Variants in ACTR5 observed in about 807,000 individuals in gnomAD.
The protein encoded by ACTR5 is actin-related protein 5.
ACTR5 carries 43 observed loss-of-function variants against 61.2 expected under a neutral mutation model. The observed-to-expected ratio is 0.70, with a 90% CI of 0.55 to 0.91. The LOEUF (loss-of-function observed/expected upper bound fraction) is 0.91. Among genes scored for constraint, ACTR5 ranks in the 40% least tolerant of loss-of-function variants. ACTR5 has a pLI of 0.00. For synonymous variants in ACTR5, 333 were observed against 310.5 expected, an observed-to-expected ratio of 1.07 and a Z score of -0.76; for missense variants, 798 against 782.2, an observed-to-expected ratio of 1.02 and a Z score of -0.24.
At chr20:38,754,266 G>A (rs1000383968) in intron 3 of ACTR5, among the ~76,000 whole-genome samples, 2 of 152,054 alleles carry the variant, frequency 1.3e-5, no homozygotes, top group African/African-American at 2.4e-5. Flanking sequence ...GTTGTTTCTC[G>A]CTGAAGAACT....
intron 5 of ACTR5, among the ~76,000 whole-genome samples, chr20:38,761,142 G>A (rs1245405907): frequency 1.3e-5 from 2 of 152,024 alleles, no homozygotes; most frequent in Admixed American, 6.6e-5. Flanking sequence ...GGCTGTTCTC[G>A]AACTCCTGGC....
chr20:38,766,162 G>T (rs918707965), intron 6 of ACTR5, 76 bp from the exon 7 acceptor site: 10 of 1,514,572 alleles, frequency 6.6e-6, no homozygotes, highest in African/African-American at 1.4e-5. Flanking sequence ...ATTAAGAAAC[G>T]CAGTTTGAGG....
chr20:38,760,549 G>C (rs917322998), intron 5 of ACTR5, among the ~76,000 whole-genome samples: 1 of 152,234 alleles, frequency 6.6e-6, no homozygotes, highest in Non-Finnish European at 1.5e-5. Context: ...AAGAGTAGCA[G>C]TGTTGATAAT....
chr20:38,771,920 T>A lies in ACTR5; in HGVS notation c.*104T>A. 1 of 1,443,696 alleles carries A rather than the reference T, an allele frequency of 6.9e-7. No homozygotes were observed. The highest frequency in any genetic ancestry group is 9.2e-7 in the Non-Finnish European group (1 of 1,090,582). The allele number at this position is 1,443,696 out of a possible 1,614,324, so 89.4% of individuals were successfully genotyped here. A position where few individuals can be genotyped will look rare whatever the true frequency, so the allele number is the denominator to read the frequency against. The stretch of plus-strand genomic sequence containing the variant: ...AGATGTACCTGCCCAAGTCTGCTGG[T>A]CACATTTGGCAGCAAAATGGATTTC... On this transcript the variant is annotated 3_prime_UTR_variant, in exon 9 of 9. Transcript: ENST00000243903.
In ACTR5 at chr20:38,764,335, T is replaced by TA. The variant is rs541592546; in HGVS notation, c.1177-1066dup. On this transcript the variant is annotated intron_variant, in intron 5 of 8. Coordinates refer to ENST00000243903, the MANE Select transcript of ACTR5 (RefSeq NM_024855.4). ...TCCATTCTGCAGCAGCTGTCATTGT[T>TA]ACAGCATTCTTCCTTGGGATGCAAC... is the stretch of plus-strand genomic sequence containing the variant. Among the ~76,000 whole-genome samples the TA allele has an allele frequency of 4.9e-4, 74 of 152,352 alleles. 1 individual carries two copies. The highest frequency in any genetic ancestry group is 2.4e-3 in the Admixed American group (36 of 15,300).
chr20:38,770,310 T>C (rs138600320), intron 8 of ACTR5, among the ~76,000 whole-genome samples: 122 of 152,360 alleles, frequency 8.0e-4, no homozygotes, highest in African/African-American at 2.8e-3. Flanking sequence ...TTCCTGTTTT[T>C]TCTTAAACAG....
At position 38,748,658 on chromosome 20, in the gene ACTR5, G is replaced by A. The variant is rs758137076; in HGVS notation, c.180G>A (p.Gln60=). Residue 60 remains glutamine, a synonymous_variant, in exon 1 of 9, where the codon CAG becomes CAA. Transcript: ENST00000243903. ...GQDPGPEPRL[Q]FRAVCARGRG... is the part of the protein sequence containing the mutation. ...ACCCAGGTCCCGAGCCGCGCCTGCA[G>A]TTCCGCGCGGTGTGCGCCCGCGGTC... is the stretch of plus-strand genomic sequence containing the variant. 1.1e-5 allele frequency: 17 copies of A among 1,517,700 alleles called. No homozygotes were observed. Among genetic ancestry groups the A allele is most frequent in the African/African-American group, 1.4e-5 (1 of 69,076 alleles). 94.0% of individuals were successfully genotyped at this position (1,517,700 alleles called of 1,614,324 possible).
chr20:38,757,802 C>G (rs959785693), intron 5 of ACTR5, among the ~76,000 whole-genome samples: 1 of 150,278 alleles, frequency 6.7e-6, no homozygotes, highest in Non-Finnish European at 1.5e-5. Context: ...TTACTAGATA[C>G]ACCTTATTGG....
In ACTR5 at chr20:38,766,230, T is replaced by C; in HGVS notation, c.1294-8T>C. On this transcript the variant is annotated splice_region_variant and splice_polypyrimidine_tract_variant and intron_variant, in intron 6 of 8. Transcript: ENST00000243903. ...TAAAAATATCTTTTAAACCTTGGGTTTTTAAAGCCCGTGTTTAACTTGGCA... is the reference window on the plus strand; with the variant it reads ...TAAAAATATCTTTTAAACCTTGGGTCTTTAAAGCCCGTGTTTAACTTGGCA... The C allele has an allele frequency of 6.2e-7, 1 of 1,601,636 alleles. No individual in the cohort carries two copies. The highest frequency in any genetic ancestry group is 8.5e-7 in the Non-Finnish European group (1 of 1,176,726).
chr20:38,761,971 C>T (rs2084457660), intron 5 of ACTR5: 1 of 152,162 alleles, frequency 6.6e-6, no homozygotes, highest in Admixed American at 6.5e-5. Flanking sequence ...GCACTCCTGC[C>T]CCCCTGGAGC....
intron 2 of ACTR5, among the ~76,000 whole-genome samples, 187 bp downstream of exon 2, chr20:38,750,426 T>A (rs1465515902): frequency 6.6e-6 from 1 of 152,202 alleles, no homozygotes; most frequent in East Asian, 1.9e-4. Flanking sequence ...GTGTCCTTTG[T>A]GACCTTCTGG....
rs745568788 is a variant in ACTR5, at chr20:38,750,062, A to G, written c.428A>G (p.Tyr143Cys). Reference sequence around the variant, plus strand: ...ACAGAAGCTGTGTGCAACCCACTGTATTCACGGCAAATGATGTCTGAGCTT... The same window carrying G: ...ACAGAAGCTGTGTGCAACCCACTGTGTTCACGGCAAATGATGTCTGAGCTT... ...VLTEAVCNPL[Y>C]SRQMMSELLF... Residue 143 changes from tyrosine to cysteine, a missense_variant, in exon 2 of 9, where the codon TAT becomes TGT. Tyr to Cys is a radical substitution (Grantham distance 194). Transcript: ENST00000243903. 6.8e-6 allele frequency: 11 copies of G among 1,614,226 alleles called. No homozygotes were observed. The highest frequency in any genetic ancestry group is 9.3e-6 in the Non-Finnish European group (11 of 1,180,044).
chr20:38,760,809 C>T (rs770986422), intron 5 of ACTR5, among the ~76,000 whole-genome samples: 10 of 151,872 alleles, frequency 6.6e-5, no homozygotes, highest in Non-Finnish European at 1.3e-4. Context: ...GCCTTTTGAC[C>T]AAGTTTGGGA....
chr20:38,758,192 G>A (rs1002047662), intron 5 of ACTR5, among the ~76,000 whole-genome samples: 1 of 152,120 alleles, frequency 6.6e-6, no homozygotes, highest in African/African-American at 2.4e-5. Flanking sequence ...GTCTGCATTT[G>A]TTACATGATG....
chr20:38,750,361 G>C, intron 2 of ACTR5, 122 bp downstream of exon 2: 4 of 814,976 alleles, frequency 4.9e-6, no homozygotes, highest in Non-Finnish European at 7.7e-6. Flanking sequence ...GAGCCGTTGG[G>C]CTTAGCTTTG....
intron 8 of ACTR5, among the ~76,000 whole-genome samples, 179 bp from the exon 9 acceptor site, chr20:38,771,368 TGGAGAGTCTGGG>T (rs1433006064): frequency 6.6e-6 from 1 of 152,224 alleles, no homozygotes. Context: ...CCGTCTGTTC[TGGAGAGTCTGGG>T]CATTCCAGCT....
chr20:38,762,088 C>T (rs186598032), intron 5 of ACTR5, among the ~76,000 whole-genome samples: 2 of 152,338 alleles, frequency 1.3e-5, no homozygotes, highest in East Asian at 1.9e-4. Flanking sequence ...TTGAGAGAGG[C>T]TACAGGGATC....
intron 5 of ACTR5, among the ~76,000 whole-genome samples, chr20:38,758,444 C>G (rs757671023): frequency 5.3e-5 from 8 of 152,074 alleles, no homozygotes; most frequent in Admixed American, 2.6e-4. Flanking sequence ...GTCAGGAATT[C>G]GAGACCAGCC....
In ACTR5 at chr20:38,765,309, G is replaced by A. The variant is rs1467998178; in HGVS notation, c.1177-93G>A. 6.8e-6 allele frequency: 6 copies of A among 888,554 alleles called. No individual in the cohort carries two copies. In the East Asian group the frequency reaches 1.2e-4, roughly 18 times the overall value. 55.0% of individuals were successfully genotyped at this position (888,554 alleles called of 1,614,324 possible). ...TTTTATGTAAGGTTTTAGAACATTGGGCAAGATCCCAGTTCTTTTTTGTGG... is the reference window on the plus strand; with the variant it reads ...TTTTATGTAAGGTTTTAGAACATTGAGCAAGATCCCAGTTCTTTTTTGTGG... On this transcript the variant is annotated intron_variant, in intron 5 of 8. Coordinates refer to ENST00000243903, the MANE Select transcript of ACTR5 (RefSeq NM_024855.4).
Sources: gnomAD v4.1 joint callset for allele counts (sites outside exome capture counted in the v4.1 genomes callset) on GRCh38, gnomAD v4.1.1 for gene constraint, MANE v1.5 for transcripts, NCBI Gene and HGNC (gene_info 2026-07-23, HGNC 2026-07-21) for gene names.